The following DENND1B variants were observed in gnomAD, a reference collection of about 807,000 sequenced individuals.
DENND1B encodes DENN domain-containing protein 1B.
Under a neutral mutation model 90.1 loss-of-function variants are expected in DENND1B, and 59 were observed. That is an observed-to-expected ratio of 0.65 (90% CI 0.53 to 0.81). The LOEUF (loss-of-function observed/expected upper bound fraction) is 0.81. Among genes scored for constraint, DENND1B ranks in the 40% least tolerant of loss-of-function variants. DENND1B has a pLI of 0.00. For synonymous variants in DENND1B, 337 were observed against 324.6 expected (o/e 1.04, Z -0.41); for missense variants, 862 against 912.6 (o/e 0.94, Z 0.71).
intron 15 of DENND1B, among the ~76,000 whole-genome samples, chr1:197,569,226 C>G (rs1324143025): frequency 6.6e-6 from 1 of 151,940 alleles, no homozygotes; most frequent in African/African-American, 2.4e-5. Context: ...CACAGTGAGA[C>G]ATCATGTCAT....
intron 11 of DENND1B, among the ~76,000 whole-genome samples, chr1:197,617,228 G>T (rs2125861647): frequency 6.6e-6 from 1 of 150,920 alleles, no homozygotes; most frequent in African/African-American, 2.4e-5. Flanking sequence ...AAAAAAGAGG[G>T]GTAAAGAAGT....
At chr1:197,661,886 A>T (rs1338809388) in intron 5 of DENND1B, among the ~76,000 whole-genome samples, 1 of 152,074 alleles carries the variant, frequency 6.6e-6, no homozygotes, top group Admixed American at 6.6e-5. Context: ...TAATTTATAC[A>T]GATAAATATA....
At chr1:197,562,593 ATGT>A (rs947207871) in intron 15 of DENND1B, among the ~76,000 whole-genome samples, 4 of 151,796 alleles carry the variant, frequency 2.6e-5, no homozygotes, top group Non-Finnish European at 5.9e-5. Context: ...TAATTGATAA[ATGT>A]TGTGTGTGTC....
chr1:197,545,028 G>GAAGAGA (rs1670689660), intron 18 of DENND1B, among the ~76,000 whole-genome samples: 1 of 109,154 alleles, frequency 9.2e-6, no homozygotes, highest in Admixed American at 9.8e-5. Context: ...ACGAAAGAAG[G>GAAGAGA]AGGAGAAGGA....
chr1:197,748,592 A>G (rs1486247360), intron 2 of DENND1B, among the ~76,000 whole-genome samples: 1 of 152,202 alleles, frequency 6.6e-6, no homozygotes, highest in Non-Finnish European at 1.5e-5. Flanking sequence ...GGGACAAACT[A>G]GGAAAAAGAC....
At chr1:197,775,801 A>C (rs980233642), upstream of DENND1B, 1 of 152,288 alleles carries the variant, frequency 6.6e-6, no homozygotes, top group Admixed American at 6.5e-5. Flanking sequence ...AAGTACCTCG[A>C]CCTGCAGTGT....
intron 2 of DENND1B, chr1:197,735,137 T>C: frequency 4.1e-6 from 4 of 969,304 alleles, no homozygotes; most frequent in Non-Finnish European, 4.9e-6. Context: ...ATATTATATA[T>C]GAATAATACA....
At chr1:197,748,866 T>C (rs1290673227) in intron 2 of DENND1B, among the ~76,000 whole-genome samples, 1 of 152,190 alleles carries the variant, frequency 6.6e-6, no homozygotes, top group Non-Finnish European at 1.5e-5. Flanking sequence ...TAAAACAAGC[T>C]ATTAAAACTA....
At chr1:197,554,832 C>CAAAAAAAAA (rs11440581) in intron 15 of DENND1B, among the ~76,000 whole-genome samples, 1 of 69,392 alleles carries the variant, frequency 1.4e-5, no homozygotes, top group African/African-American at 6.4e-5. Flanking sequence ...GACTCCATCT[C>CAAAAAAAAA]AAAAAAAAAA....
chr1:197,730,514 T>C (rs1281022527), intron 2 of DENND1B, among the ~76,000 whole-genome samples: 1 of 152,148 alleles, frequency 6.6e-6, no homozygotes, highest in African/African-American at 2.4e-5. Context: ...ATGAATACCA[T>C]GTGAGCCAAA....
Position 197,509,726 on chromosome 1 carries a change from TAG to T in DENND1B, c.*732_*733del, listed in dbSNP as rs1473840368. 6.6e-6 allele frequency: 1 copy of T among 152,068 alleles called. No homozygotes were observed. The highest frequency in any genetic ancestry group is 2.4e-5 in the African/African-American group (1 of 41,366). 9.4% of individuals were successfully genotyped at this position (152,068 alleles called of 1,614,324 possible). ...GCATACAGAGAGACTGAAAACTCGT[TAG>T]AGTGTCTCATTTGTAAACAGAAGTC... On this transcript the variant is annotated 3_prime_UTR_variant, in exon 23 of 23. Coordinates refer to ENST00000620048, the MANE Select transcript of DENND1B (RefSeq NM_001195215.2).
upstream of DENND1B, among the ~76,000 whole-genome samples, chr1:197,778,188 A>G (rs79263784): frequency 6.4e-3 from 969 of 152,318 alleles, 11 homozygotes; most frequent in Middle Eastern, 0.027. Flanking sequence ...CTTTTGCCTT[A>G]GATTCTAAAC....
chr1:197,612,304 C>A (rs768404140), intron 11 of DENND1B, among the ~76,000 whole-genome samples: 144 of 150,704 alleles, frequency 9.6e-4, no homozygotes, highest in African/African-American at 3.4e-3. Flanking sequence ...TGAATTGAAT[C>A]TTTTCCGTAT....
chr1:197,774,892 T>C (rs1486800078), intron 1 of DENND1B, among the ~76,000 whole-genome samples: 1 of 151,992 alleles, frequency 6.6e-6, no homozygotes, highest in Admixed American at 6.6e-5. Context: ...AAGGCGCTAG[T>C]GGCCTCTCCG....
intron 2 of DENND1B, among the ~76,000 whole-genome samples, chr1:197,717,471 T>A (rs186811877): frequency 3.4e-4 from 52 of 151,882 alleles, no homozygotes; most frequent in African/African-American, 1.2e-4. Context: ...AAGAAAAAAA[T>A]TTTACTGCCA....
intron 14 of DENND1B, among the ~76,000 whole-genome samples, chr1:197,592,335 A>G (rs1558281421): frequency 6.6e-6 from 1 of 152,076 alleles, no homozygotes; most frequent in African/African-American, 2.4e-5. Context: ...ATTCAGTAAG[A>G]ACACTTATCT....
intron 2 of DENND1B, chr1:197,734,809 T>A (rs1190188168): frequency 5.1e-6 from 5 of 983,616 alleles, no homozygotes; most frequent in Admixed American, 1.2e-4. Flanking sequence ...GCTTTTTTTT[T>A]AACCTACAAC....
chr1:197,670,472 T>TGTGTGTGTGTGTGTGTGG (rs1655385925), intron 5 of DENND1B, among the ~76,000 whole-genome samples: 1 of 150,544 alleles, frequency 6.6e-6, no homozygotes, highest in Non-Finnish European at 1.5e-5. Flanking sequence ...TGTGTGTGTG[T>TGTGTGTGTGTGTGTGTGG]GTGTGTGTGT....
At chr1:197,632,055 C>T (rs1679374964) in intron 10 of DENND1B, among the ~76,000 whole-genome samples, 1 of 152,096 alleles carries the variant, frequency 6.6e-6, no homozygotes, top group Non-Finnish European at 1.5e-5. Context: ...TCACCTCCCT[C>T]TTAAGGTCAC....
Sources: allele counts gnomAD v4.1 joint callset (sites outside exome capture counted in the v4.1 genomes callset), GRCh38; gene constraint gnomAD v4.1.1; transcripts MANE v1.5; gene names NCBI Gene and HGNC (gene_info 2026-07-23, HGNC 2026-07-21).